CSMD3: variants seen among roughly 807,000 people sequenced by gnomAD.
CSMD3 encodes the protein CUB and Sushi multiple domains 3.
Under a neutral mutation model 435.2 loss-of-function variants are expected in CSMD3, and 177 were observed. The ratio of observed to expected loss-of-function variants is 0.41; its 90% confidence interval spans 0.36 to 0.46. The LOEUF (loss-of-function observed/expected upper bound fraction) is 0.46. CSMD3 is among the 20% of genes least tolerant of loss of function. The probability of loss-of-function intolerance (pLI) is 0.34; values close to 1 mark genes in which losing one functional copy is unlikely to be tolerated. For missense variants in CSMD3, 4,265 were observed against 4,504.6 expected (o/e 0.95, Z 1.52); for synonymous variants, 1,656 against 1,520.5 (o/e 1.09, Z -2.07).
chr8:112,561,489 A>G (rs2131250435), intron 24 of CSMD3, among the ~76,000 whole-genome samples: 1 of 151,824 alleles, frequency 6.6e-6, no homozygotes, highest in Middle Eastern at 3.4e-3. Flanking sequence ...ATAAAGGATG[A>G]CAACAAATTC....
At chr8:113,304,732 G>A (rs866097291) in intron 2 of CSMD3, among the ~76,000 whole-genome samples, 2 of 130,002 alleles carry the variant, frequency 1.5e-5, no homozygotes, top group Non-Finnish European at 3.2e-5. Flanking sequence ...CATGGACACA[G>A]GAAGGGGAAT....
chr8:112,424,920 G>C (rs1812905519), intron 32 of CSMD3, among the ~76,000 whole-genome samples: 1 of 152,154 alleles, frequency 6.6e-6, no homozygotes, highest in Admixed American at 6.5e-5. Context: ...TCTATCTCTC[G>C]ACCTTGCGGT....
intron 1 of CSMD3, among the ~76,000 whole-genome samples, chr8:113,420,924 G>A (rs1435028613): frequency 6.6e-6 from 1 of 150,980 alleles, no homozygotes. Flanking sequence ...ACTCCAATGA[G>A]ATTCCGTTTA....
chr8:113,353,750 CT>C (rs897441482), intron 1 of CSMD3, among the ~76,000 whole-genome samples: 16 of 152,090 alleles, frequency 1.1e-4, no homozygotes, highest in African/African-American at 2.2e-4. Context: ...CTGAAGAGGA[CT>C]TTTTTCCCCC....
intron 31 of CSMD3, among the ~76,000 whole-genome samples, chr8:112,491,539 A>G (rs1269293510): frequency 6.6e-6 from 1 of 152,038 alleles, no homozygotes; most frequent in Non-Finnish European, 1.5e-5. Context: ...AATCCCAGTC[A>G]TTAGGGAGTC....
At chr8:112,888,802 A>G (rs999198021) in intron 10 of CSMD3, among the ~76,000 whole-genome samples, 4 of 151,624 alleles carry the variant, frequency 2.6e-5, no homozygotes, top group Non-Finnish European at 4.4e-5. Context: ...CAGAGAGTCC[A>G]TAGGGCAGGA....
chr8:113,286,443 T>A (rs2093647284), intron 2 of CSMD3, among the ~76,000 whole-genome samples: 1 of 152,140 alleles, frequency 6.6e-6, no homozygotes, highest in South Asian at 2.1e-4. Flanking sequence ...AAAATGTCAA[T>A]GAATATGTTT....
rs558932319 is a variant in CSMD3, at chr8:112,490,707, A to G, written c.5278+1782T>C. ...TTTCAGAAATTTTCTATAGTTTCCA[A>G]ATGATCATTGACAGTAAAATTTGAA... On this transcript the variant is annotated intron_variant, in intron 31 of 70. Transcript: ENST00000297405. Among the ~76,000 whole-genome samples the G allele has an allele frequency of 2.4e-4, 37 of 152,184 alleles. No individual in the cohort carries two copies. In the South Asian group the frequency reaches 7.3e-3, roughly 30 times the overall value.
chr8:112,826,494 C>T (rs1481963956), intron 12 of CSMD3, among the ~76,000 whole-genome samples: 1 of 152,112 alleles, frequency 6.6e-6, no homozygotes, highest in South Asian at 2.1e-4. Flanking sequence ...CTGTGGGTTG[C>T]ACAGTTCCAT....
intron 28 of CSMD3, among the ~76,000 whole-genome samples, chr8:112,508,487 T>G (rs150210247): frequency 6.6e-6 from 1 of 152,284 alleles, no homozygotes; most frequent in African/African-American, 2.4e-5. Flanking sequence ...CTCCTTATTC[T>G]AGGCTCCTGA....
chr8:112,793,582 C>A (rs963406338), intron 13 of CSMD3, among the ~76,000 whole-genome samples: 15 of 151,890 alleles, frequency 9.9e-5, no homozygotes, highest in South Asian at 2.1e-4. Context: ...TGGAAGCTCC[C>A]AAAACAAACA....
intron 32 of CSMD3, among the ~76,000 whole-genome samples, chr8:112,440,254 G>C (rs537331289): frequency 1.3e-5 from 2 of 152,300 alleles, no homozygotes; most frequent in Non-Finnish European, 2.9e-5. Context: ...CAATAGGGCA[G>C]TTATTAAACT....
chr8:112,793,805 A>G (rs2132301118), intron 13 of CSMD3, among the ~76,000 whole-genome samples: 1 of 152,308 alleles, frequency 6.6e-6, no homozygotes, highest in East Asian at 1.9e-4. Flanking sequence ...AGAAGAAGTC[A>G]CATCCTGTTT....
At chr8:112,694,733 TA>T (rs2076214763) in intron 13 of CSMD3, among the ~76,000 whole-genome samples, 1 of 152,138 alleles carries the variant, frequency 6.6e-6, no homozygotes, top group Non-Finnish European at 1.5e-5. Context: ...GAGATTTTTA[TA>T]AAGTCTTAAT....
At position 112,406,714 on chromosome 8, in the gene CSMD3, T is replaced by C. The variant is rs377078579; in HGVS notation, c.5619A>G (p.Thr1873=). 3.8e-6 allele frequency: 6 copies of C among 1,597,376 alleles called. No homozygotes were observed. In the African/African-American group the frequency reaches 8.0e-5, roughly 21 times the overall value. ...FHFVYQAVPR[T]SSTQCSSVPE... is the part of the protein sequence containing the mutation. ...GCACAGAACTGCATTGTGTAGAACT[T>C]GTTCTAGGAACAGCTGTGTAGAAAT... Residue 1873 remains threonine, a synonymous_variant, in exon 35 of 71, where the codon ACA becomes ACG. Transcript: ENST00000297405.
intron 1 of CSMD3, among the ~76,000 whole-genome samples, chr8:113,385,090 T>G (rs1563769237): frequency 6.6e-6 from 1 of 152,146 alleles, no homozygotes; most frequent in Non-Finnish European, 1.5e-5. Flanking sequence ...CTTGTTGAAC[T>G]CTAATACATA....
intron 6 of CSMD3, among the ~76,000 whole-genome samples, chr8:113,002,577 C>A (rs1009026437): frequency 3.3e-5 from 5 of 152,004 alleles, no homozygotes; most frequent in African/African-American, 1.2e-4. Context: ...GCTGAACATG[C>A]CTTCACTGTC....
chr8:113,233,969 A>G (rs896737927), intron 3 of CSMD3, among the ~76,000 whole-genome samples: 1 of 152,054 alleles, frequency 6.6e-6, no homozygotes, highest in African/African-American at 2.4e-5. Flanking sequence ...AGTAGGTTCT[A>G]TTACTACAGT....
At chr8:112,519,108 G>A (rs2131002309) in intron 27 of CSMD3, among the ~76,000 whole-genome samples, 1 of 152,174 alleles carries the variant, frequency 6.6e-6, no homozygotes, top group East Asian at 1.9e-4. Flanking sequence ...TACAATTAGA[G>A]ATGAGATTTG....
Sources: allele counts gnomAD v4.1 joint callset (sites outside exome capture counted in the v4.1 genomes callset), GRCh38; gene constraint gnomAD v4.1.1; transcripts MANE v1.5; gene names NCBI Gene and HGNC (gene_info 2026-07-23, HGNC 2026-07-21).